Variants in PDLIM2 observed in about 807,000 individuals in gnomAD.
The protein encoded by PDLIM2 is PDZ and LIM domain protein 2.
A neutral mutation model predicts 54.1 loss-of-function variants in PDLIM2; 51 were observed. The ratio of observed to expected loss-of-function variants is 0.94; its 90% CI spans 0.75 to 1.19. The LOEUF (loss-of-function observed/expected upper bound fraction) is 1.19. Ranked by LOEUF, PDLIM2 falls within the 50% of genes most tolerant of loss-of-function variation. The probability of loss-of-function intolerance (pLI) is 0.00; values close to 1 mark genes in which losing one functional copy is unlikely to be tolerated. For missense variants in PDLIM2, 912 were observed against 874.0 expected (o/e 1.04, Z -0.55); for synonymous variants, 398 against 385.6 (o/e 1.03, Z -0.38).
chr8:22,591,684 G>T lies in PDLIM2; in HGVS notation c.1631+16G>T, dbSNP rs368846956. ...CCAGCATCGCGTGAGTGTGGAGGGG[G>T]GTGGGGGACCTGAGCCTTCACAGGG... On this transcript the variant is annotated intron_variant, in intron 9 of 9. Coordinates refer to ENST00000308354, the Ensembl canonical transcript of PDLIM2. 3.8e-6 allele frequency: 6 copies of T among 1,597,792 alleles called. No individual in the cohort carries two copies. Among genetic ancestry groups the T allele is most frequent in the South Asian group, 1.1e-5 (1 of 89,414 alleles).
At chr8:22,587,237 G>A (rs1290489515) in intron 6 of PDLIM2, among the ~76,000 whole-genome samples, 2 of 152,110 alleles carry the variant, frequency 1.3e-5, no homozygotes, top group Non-Finnish European at 2.9e-5. Flanking sequence ...GCTGCCTTTT[G>A]AGAATCACTG....
intron 3 of PDLIM2, among the ~76,000 whole-genome samples, chr8:22,584,131 A>G (rs1321775890): frequency 6.7e-6 from 1 of 149,462 alleles, no homozygotes; most frequent in Non-Finnish European, 1.5e-5. Context: ...CCTCCCAAGT[A>G]GCTGGTGTTA....
In PDLIM2 at chr8:22,589,750, C is replaced by G. The variant is rs373926804; in HGVS notation, c.1513+9C>G. On this transcript the variant is annotated intron_variant, in intron 8 of 9. Transcript: ENST00000308354. Reference sequence around the variant, plus strand: ...GGAGGCTGAGGAGAGAGGTGAGGGTCTGGGGGGCTGGGGAGGGGAAGGAGG... The same window carrying G: ...GGAGGCTGAGGAGAGAGGTGAGGGTGTGGGGGGCTGGGGAGGGGAAGGAGG... 1.3e-6 allele frequency: 2 copies of G among 1,559,212 alleles called. No homozygotes were observed. Among genetic ancestry groups the G allele is most frequent in the African/African-American group, 2.7e-5 (2 of 73,664 alleles).
intron 3 of PDLIM2, among the ~76,000 whole-genome samples, chr8:22,583,728 C>T (rs1486348419): frequency 6.6e-6 from 1 of 151,924 alleles, no homozygotes; most frequent in Non-Finnish European, 1.5e-5. Context: ...GATTGCACCA[C>T]TGCGCTCCAG....
intron 1 of PDLIM2, 53 bp from the exon 1 acceptor site, chr8:22,580,422 G>A (rs1800154312): frequency 6.4e-6 from 9 of 1,407,452 alleles, no homozygotes; most frequent in Non-Finnish European, 8.4e-6. Flanking sequence ...GTGGGGGGAA[G>A]TGAAACCGGG....
In PDLIM2 at chr8:22,580,601, A is replaced by G; in HGVS notation, c.749-2A>G. ...TTCACCTCCTGGTCCTCTCTTCCTC[A>G]GGTATGGCGTTGACGGTGGATGTGG... is the stretch of plus-strand genomic sequence containing the variant. On this transcript the variant is annotated splice_acceptor_variant, in intron 1 of 9. Transcript: ENST00000308354. LOFTEE classifies it high-confidence loss of function. 1.9e-6 allele frequency: 3 copies of G among 1,613,790 alleles called. No individual in the cohort carries two copies. Among genetic ancestry groups the G allele is most frequent in the Non-Finnish European group, 2.5e-6 (3 of 1,179,952 alleles).
rs149944013 is a variant in PDLIM2, at chr8:22,581,385, G to A, written c.850G>A (p.Glu284Lys). ...CAGCTCCTCATCCCTACAGGTGGCC[G>A]AGCGGGGCAAAGCCAAGGACGCTGA... The change falls in exon 3 of 10, where the codon GAG becomes AAG. Residue 284 changes from glutamate (E) to lysine (K), a missense_variant. By Grantham distance (56) the Glu-to-Lys change is moderately conservative. Transcript: ENST00000308354. 1.1e-4 allele frequency: 173 copies of A among 1,601,548 alleles called. No homozygotes were observed. The African/African-American group carries it at 1.7e-3, about 16-fold the overall frequency.
intron 9 of PDLIM2, 85 bp from the exon 9 acceptor site, chr8:22,593,648 C>A: frequency 8.3e-7 from 1 of 1,204,004 alleles, no homozygotes; most frequent in Non-Finnish European, 1.1e-6. Flanking sequence ...GGTCCTGATG[C>A]TACAGTGGGG....
At chr8:22,580,840 C>A in intron 2 of PDLIM2, 143 bp downstream of exon 1, 2 of 957,190 alleles carry the variant, frequency 2.1e-6, no homozygotes, top group South Asian at 1.4e-5. Context: ...TGTAAGGGAG[C>A]CGTGGCCCTT....
chr8:22,583,753 C>T (rs912471971), intron 3 of PDLIM2, among the ~76,000 whole-genome samples: 2 of 148,780 alleles, frequency 1.3e-5, no homozygotes, highest in South Asian at 2.1e-4. Flanking sequence ...GGTGACAGAG[C>T]GAGACTCCAT....
At chr8:22,587,540 G>A (rs73672763) in intron 6 of PDLIM2, among the ~76,000 whole-genome samples, 2,369 of 152,104 alleles carry the variant, frequency 0.016, 46 homozygotes, top group African/African-American at 0.052. Flanking sequence ...ACATCCTTGC[G>A]TTCCCCAGCA....
At chr8:22,593,837 G>C (rs775804872) in exon 10 of PDLIM2, 1 of 1,586,594 alleles carries the variant, frequency 6.3e-7, no homozygotes, top group Non-Finnish European at 8.6e-7. Flanking sequence ...TTCTGGGTGG[G>C]TGACGAGCTG....
intron 9 of PDLIM2, chr8:22,593,093 C>T (rs571988978): frequency 6.6e-6 from 1 of 152,628 alleles, no homozygotes; most frequent in East Asian, 1.9e-4. Flanking sequence ...AGTTTGGTTT[C>T]AAACTCCTGG....
At chr8:22,594,307 CCCTT>C (rs1421145251), downstream of PDLIM2, 2 of 1,414,774 alleles carry the variant, frequency 1.4e-6, no homozygotes, top group Admixed American at 3.0e-5. Flanking sequence ...AAGTAGATGT[CCCTT>C]CCTTCTTTTT....
chr8:22,589,489 C>A (rs773642170), intron 7 of PDLIM2, 107 bp from the exon 7 acceptor site: 2 of 1,528,050 alleles, frequency 1.3e-6, no homozygotes, highest in South Asian at 1.2e-5. Flanking sequence ...GCTCCTCCAC[C>A]TCCCAGATTC....
At chr8:22,580,920 G>C (rs368808902) in intron 2 of PDLIM2, 1 of 700,396 alleles carries the variant, frequency 1.4e-6, no homozygotes. Flanking sequence ...ACCAGGACAG[G>C]GCCGGCTCTT....
rs1223876557 is a variant in PDLIM2, at chr8:22,578,963, G to A, written c.184G>A (p.Gly62Ser). 9.7e-6 allele frequency: 12 copies of A among 1,240,116 alleles called. No individual in the cohort carries two copies. The highest frequency in any genetic ancestry group is 2.5e-4 in the Middle Eastern group (1 of 4,044). 76.8% of individuals were successfully genotyped at this position (1,240,116 alleles called of 1,614,324 possible). Residue 62 changes from glycine to serine, a missense_variant, in exon 1 of 10, where the codon GGC becomes AGC. By Grantham distance (56) the Gly-to-Ser change is moderately conservative. Coordinates refer to ENST00000308354, the Ensembl canonical transcript of PDLIM2. Reference sequence around the variant, plus strand: ...GGCTGGACGGTCGCAGCCTGCAGGGGGCCCTGGGGACAGCCTGCCTCATCC... The same window carrying A: ...GGCTGGACGGTCGCAGCCTGCAGGGAGCCCTGGGGACAGCCTGCCTCATCC...
At chr8:22,590,390 ATG>A (rs1445192935) in intron 8 of PDLIM2, 2 of 152,912 alleles carry the variant, frequency 1.3e-5, no homozygotes, top group African/African-American at 4.8e-5. Context: ...GAGGGACCAG[ATG>A]TGTGCAGAGT....
chr8:22,590,137 T>G (rs2117363276), intron 8 of PDLIM2: 1 of 115,584 alleles, frequency 8.7e-6, no homozygotes, highest in South Asian at 1.4e-4. Flanking sequence ...GGAAGCACTG[T>G]GGAAGGTGGA....
Sources: allele counts gnomAD v4.1 joint callset (sites outside exome capture counted in the v4.1 genomes callset), GRCh38; gene constraint gnomAD v4.1.1; transcripts MANE v1.5; gene names NCBI Gene and HGNC (gene_info 2026-07-23, HGNC 2026-07-21).